ITGBL1: variants seen among roughly 807,000 people sequenced by gnomAD.
ITGBL1 encodes integrin subunit beta like 1, also known as integrin beta-like protein 1.
ITGBL1 carries 51 observed loss-of-function variants against 68.5 expected under a neutral mutation model. That is an observed-to-expected ratio of 0.74 (90% CI 0.59 to 0.94). The LOEUF (loss-of-function observed/expected upper bound fraction) is 0.94. Among genes scored for constraint, ITGBL1 ranks in the 40% least tolerant of loss-of-function variants. The pLI is 0.00. For synonymous variants in ITGBL1, 209 were observed against 227.3 expected, an observed-to-expected ratio of 0.92 and a Z score of 0.72; for missense variants, 649 against 647.4, an observed-to-expected ratio of 1.00 and a Z score of -0.03.
chr13:101,633,761 T>C (rs140676637), intron 7 of ITGBL1, among the ~76,000 whole-genome samples: 7 of 152,310 alleles, frequency 4.6e-5, no homozygotes, highest in African/African-American at 1.7e-4. Flanking sequence ...TTGGGGTTAT[T>C]ATTGTGGCAA....
chr13:101,455,528 G>A (rs961736839), intron 2 of ITGBL1, among the ~76,000 whole-genome samples: 9 of 152,196 alleles, frequency 5.9e-5, no homozygotes, highest in Middle Eastern at 3.4e-3. Context: ...TTAGCTGGGC[G>A]TCGTGGCATG....
chr13:101,532,847 T>C (rs534538595), intron 2 of ITGBL1, among the ~76,000 whole-genome samples: 2 of 152,340 alleles, frequency 1.3e-5, no homozygotes, highest in South Asian at 2.1e-4. Flanking sequence ...TTTCAACTTT[T>C]ATAGCCTGGT....
chr13:101,638,084 A>G (rs2032235891), intron 7 of ITGBL1, among the ~76,000 whole-genome samples: 1 of 152,244 alleles, frequency 6.6e-6, no homozygotes, highest in African/African-American at 2.4e-5. Context: ...GTAAGGTTTT[A>G]CATGTCATTA....
intron 2 of ITGBL1, among the ~76,000 whole-genome samples, chr13:101,496,127 A>G (rs1483957595): frequency 1.3e-5 from 2 of 152,166 alleles, no homozygotes; most frequent in Non-Finnish European, 2.9e-5. Flanking sequence ...GAATATTTCT[A>G]CTTGAATGAT....
intron 2 of ITGBL1, among the ~76,000 whole-genome samples, chr13:101,560,041 G>A (rs2050074045): frequency 6.6e-6 from 1 of 152,046 alleles, no homozygotes; most frequent in East Asian, 1.9e-4. Flanking sequence ...TTTTTTCTCA[G>A]CTTGAGAAGC....
intron 2 of ITGBL1, among the ~76,000 whole-genome samples, chr13:101,495,202 C>CA (rs2048838798): frequency 6.6e-6 from 1 of 152,122 alleles, no homozygotes; most frequent in Non-Finnish European, 1.5e-5. Flanking sequence ...AAATGGGCTC[C>CA]AAAATATATA....
rs193236238 is a variant in ITGBL1, at chr13:101,714,024, T to C, written c.1280-414T>C. On this transcript the variant is annotated intron_variant, in intron 9 of 10. Transcript: ENST00000376180. ...ACAATAATTTAGTAGTTGTTTTAAT[T>C]AGAAATGCAACCTAATTTAATACAA... The C allele has an allele frequency of 1.3e-3, 200 of 158,276 alleles. 1 individual carries two copies. Among genetic ancestry groups the C allele is most frequent in the African/African-American group, 4.7e-3 (195 of 41,768 alleles). The allele number at this position is 158,276 out of a possible 1,614,324, so 9.8% of individuals were successfully genotyped here. A position where few individuals can be genotyped will look rare whatever the true frequency, so the allele number is the denominator to read the frequency against.
intron 2 of ITGBL1, among the ~76,000 whole-genome samples, chr13:101,498,715 T>G (rs1566702739): frequency 6.6e-6 from 1 of 152,198 alleles, no homozygotes; most frequent in Non-Finnish European, 1.5e-5. Context: ...CTCCAGTCCT[T>G]TCTCCTAGAG....
At chr13:101,622,201 T>C (rs1406839838) in intron 7 of ITGBL1, among the ~76,000 whole-genome samples, 2 of 152,212 alleles carry the variant, frequency 1.3e-5, no homozygotes, top group African/African-American at 2.4e-5. Context: ...GTAGTTAACA[T>C]TAAGTGAGTA....
At chr13:101,627,847 C>T (rs1372234907) in intron 7 of ITGBL1, among the ~76,000 whole-genome samples, 1 of 152,282 alleles carries the variant, frequency 6.6e-6, no homozygotes, top group East Asian at 1.9e-4. Flanking sequence ...TAACCATTCA[C>T]CTACTGAAGG....
At chr13:101,709,252 C>T (rs2034341625) in intron 9 of ITGBL1, among the ~76,000 whole-genome samples, 1 of 150,306 alleles carries the variant, frequency 6.7e-6, no homozygotes, top group Non-Finnish European at 1.5e-5. Context: ...GTAGTCCCAG[C>T]TACTCGGGAG....
At chr13:101,720,801 TTTTG>T (rs1442345978), downstream of ITGBL1, 8 of 152,090 alleles carry the variant, frequency 5.3e-5, no homozygotes, top group East Asian at 3.9e-4. Context: ...AAAGGAATCA[TTTTG>T]TTTGTTAGAT....
At chr13:101,468,016 A>G (rs192654169) in intron 2 of ITGBL1, among the ~76,000 whole-genome samples, 6 of 152,312 alleles carry the variant, frequency 3.9e-5, no homozygotes, top group Non-Finnish European at 8.8e-5. Flanking sequence ...AAACGTGGTA[A>G]ATGCATTTCC....
intron 7 of ITGBL1, among the ~76,000 whole-genome samples, chr13:101,684,088 T>C (rs2033701509): frequency 6.6e-6 from 1 of 152,032 alleles, no homozygotes. Flanking sequence ...TTTTCTTTTT[T>C]AGTTACTTAC....
chr13:101,692,787 A>G (rs1390077242), intron 8 of ITGBL1, 86 bp downstream of exon 8: 13 of 832,106 alleles, frequency 1.6e-5, no homozygotes, highest in Non-Finnish European at 2.3e-5. Context: ...TGCTTTTTCA[A>G]TTGCTGTTAA....
intron 7 of ITGBL1, among the ~76,000 whole-genome samples, chr13:101,611,744 C>T (rs1295173926): frequency 6.6e-6 from 1 of 151,974 alleles, no homozygotes; most frequent in African/African-American, 2.4e-5. Flanking sequence ...TGCATTGCCT[C>T]CCTTTAACCT....
intron 7 of ITGBL1, among the ~76,000 whole-genome samples, chr13:101,660,136 A>G (rs9518477): frequency 0.79 from 120,909 of 152,126 alleles, 48,248 homozygotes; most frequent in East Asian, 0.96. Flanking sequence ...GGAGACCATA[A>G]CATTGCAGTA....
At chr13:101,704,816 T>A (rs1056618679) in intron 8 of ITGBL1, among the ~76,000 whole-genome samples, 2 of 152,248 alleles carry the variant, frequency 1.3e-5, no homozygotes, top group Non-Finnish European at 2.9e-5. Flanking sequence ...ACTTTTAAAC[T>A]TTAATGGTTT....
intron 7 of ITGBL1, among the ~76,000 whole-genome samples, chr13:101,605,567 T>C (rs1318911080): frequency 6.6e-6 from 1 of 151,802 alleles, no homozygotes; most frequent in Non-Finnish European, 1.5e-5. Context: ...CATATGTATA[T>C]GCGTATATAT....
Sources: allele counts gnomAD v4.1 joint callset (sites outside exome capture counted in the v4.1 genomes callset), GRCh38; gene constraint gnomAD v4.1.1; transcripts MANE v1.5; gene names NCBI Gene and HGNC (gene_info 2026-07-23, HGNC 2026-07-21).